Variants in NTRK2 observed in about 807,000 individuals in gnomAD.
NTRK2 encodes neurotrophic receptor tyrosine kinase 2, also known as BDNF/NT-3 growth factors receptor.
NTRK2 carries 13 observed loss-of-function variants against 94.5 expected under a neutral mutation model. The observed-to-expected ratio is 0.14, with a 90% CI of 0.09 to 0.22. The LOEUF is 0.22. NTRK2 is among the 10% of genes least tolerant of loss of function. The pLI is 1.00. For synonymous variants in NTRK2, 372 were observed against 407.4 expected, an observed-to-expected ratio of 0.91 and a Z score of 1.05; for missense variants, 639 against 1,071.2, an observed-to-expected ratio of 0.60 and a Z score of 5.63.
At chr9:84,915,562 G>C (rs2077371191) in intron 14 of NTRK2, among the ~76,000 whole-genome samples, 1 of 152,150 alleles carries the variant, frequency 6.6e-6, no homozygotes, top group Non-Finnish European at 1.5e-5. Flanking sequence ...TCCAGAAGCA[G>C]ATGCTGACAC....
intron 12 of NTRK2, among the ~76,000 whole-genome samples, chr9:84,834,611 G>A (rs1587585669): frequency 6.6e-6 from 1 of 152,144 alleles, no homozygotes; most frequent in Non-Finnish European, 1.5e-5. Flanking sequence ...TGTGTCTCAT[G>A]TTGAGCCAGT....
Position 85,025,574 on chromosome 9 carries a change from A to C in NTRK2, c.*4137A>C, listed in dbSNP as rs2409. 0.017 allele frequency: 3,869 copies of C among 233,250 alleles called. 56 individuals carry two copies. Among genetic ancestry groups the C allele is most frequent in the Middle Eastern group, 0.038 (30 of 784 alleles). The allele number at this position is 233,250 out of a possible 1,614,324, so 14.4% of individuals were successfully genotyped here. On this transcript the variant is annotated 3_prime_UTR_variant, in exon 19 of 19. Transcript: ENST00000277120. The stretch of plus-strand genomic sequence containing the variant: ...CTGGTCAAGTATGGACTTTCTTTGA[A>C]TCTTTCTTTTCACAAATTGGACTGC...
rs113722236 is a variant in NTRK2 at position 84,744,655 on chromosome 9, G to A, written c.1196-318G>A. ...ACACGTAGATGATCGATTCCCTGTC[G>A]TACTTGTTTTAAATATGCCATCCAT... On this transcript the variant is annotated intron_variant, in intron 10 of 18. Transcript: ENST00000277120. Among the ~76,000 whole-genome samples the A allele has an allele frequency of 0.019, 2,962 of 152,108 alleles. 56 individuals are homozygous for A. Among genetic ancestry groups the A allele is most frequent in the African/African-American group, 0.048 (1,986 of 41,496 alleles).
intron 12 of NTRK2, among the ~76,000 whole-genome samples, chr9:84,853,510 TA>T (rs1194379427): frequency 7.2e-5 from 11 of 152,338 alleles, no homozygotes; most frequent in African/African-American, 2.6e-4. Context: ...GCAAAATACA[TA>T]ATGGTTTTTA....
intron 10 of NTRK2, among the ~76,000 whole-genome samples, chr9:84,742,530 T>C (rs1421204720): frequency 1.3e-5 from 2 of 152,146 alleles, no homozygotes; most frequent in Non-Finnish European, 2.9e-5. Flanking sequence ...GAAGCGCTCC[T>C]GAAGGCGTCC....
Position 84,694,641 on chromosome 9 carries a change from G to A in NTRK2, c.213-7518G>A, listed in dbSNP as rs115562204. Among the ~76,000 whole-genome samples, 491 of 152,106 alleles carry A rather than the reference G, an allele frequency of 3.2e-3. 1 individual carries two copies. Among genetic ancestry groups the A allele is most frequent in the African/African-American group, 0.011 (464 of 41,474 alleles). ...GGCTAGCTGTGAACCCAGGGACCAAGGGAATTTTTTTTTTAGAAAAGGATT... is the reference window on the plus strand; with the variant it reads ...GGCTAGCTGTGAACCCAGGGACCAAAGGAATTTTTTTTTTAGAAAAGGATT... On this transcript the variant is annotated intron_variant, in intron 2 of 18. Coordinates refer to ENST00000277120, the MANE Select transcript of NTRK2 (RefSeq NM_006180.6).
intron 11 of NTRK2, among the ~76,000 whole-genome samples, chr9:84,750,253 T>C (rs1417962679): frequency 6.6e-6 from 1 of 151,872 alleles, no homozygotes; most frequent in Admixed American, 6.6e-5. Flanking sequence ...GTCCCCTGGA[T>C]GGCAATATTA....
intron 14 of NTRK2, among the ~76,000 whole-genome samples, chr9:84,916,501 C>A (rs1344897695): frequency 6.6e-6 from 1 of 152,164 alleles, no homozygotes; most frequent in Non-Finnish European, 1.5e-5. Flanking sequence ...GCAGGCACTA[C>A]CAATCAATAG....
In NTRK2 at chr9:84,707,846, A is replaced by G. The variant is rs1384751404; in HGVS notation, c.362A>G (p.Asn121Ser). Residue 121 changes from asparagine to serine, a missense_variant and splice_region_variant, in exon 5 of 19, where the codon AAT (asparagine) becomes AGT (serine). Asn to Ser is a conservative substitution (Grantham distance 46). Around this residue, in one of 5 missense-constraint regions of NTRK2, gnomAD observed 206 missense variants for 251.5 expected, o/e 0.82. Transcript: ENST00000277120. ...FLKNSNLQHINFTRNKLTSLS... is the reference protein window; with the variant it reads ...FLKNSNLQHISFTRNKLTSLS... Reference sequence around the variant, plus strand: ...TTAATGTTTTTGATTCCTTTCAGCAATTTTACCCGAAACAAACTGACGAGT... The same window carrying G: ...TTAATGTTTTTGATTCCTTTCAGCAGTTTTACCCGAAACAAACTGACGAGT... 6.2e-7 allele frequency: 1 copy of G among 1,612,252 alleles called. No homozygotes were observed. The highest frequency in any genetic ancestry group is 8.5e-7 in the Non-Finnish European group (1 of 1,178,684).
chr9:84,788,275 G>T (rs2068328975), intron 12 of NTRK2, among the ~76,000 whole-genome samples: 1 of 152,126 alleles, frequency 6.6e-6, no homozygotes, highest in East Asian at 1.9e-4. Context: ...AAAATAGGAG[G>T]AAAATGAAAA....
intron 2 of NTRK2, among the ~76,000 whole-genome samples, chr9:84,694,652 T>C (rs1018454587): frequency 6.6e-6 from 1 of 152,146 alleles, no homozygotes; most frequent in Non-Finnish European, 1.5e-5. Context: ...GGAATTTTTT[T>C]TTTAGAAAAG....
chr9:84,910,766 G>A (rs1264813894), intron 14 of NTRK2, among the ~76,000 whole-genome samples: 2 of 152,142 alleles, frequency 1.3e-5, no homozygotes, highest in Admixed American at 1.3e-4. Flanking sequence ...ATAGCACATA[G>A]TCTTAATTAT....
At chr9:84,956,607 A>G (rs1162346235) in intron 17 of NTRK2, among the ~76,000 whole-genome samples, 3 of 152,226 alleles carry the variant, frequency 2.0e-5, no homozygotes, top group Non-Finnish European at 2.9e-5. Context: ...GCTTAACAGC[A>G]TAAAGCACAG....
chr9:84,923,825 G>A (rs983797501), intron 14 of NTRK2, among the ~76,000 whole-genome samples: 5 of 152,184 alleles, frequency 3.3e-5, no homozygotes, highest in Non-Finnish European at 5.9e-5. Context: ...GGTTGAGCCC[G>A]GGAGGCGGAG....
In NTRK2 at chr9:85,026,270, C is replaced by G; in HGVS notation, c.*4833C>G. The G allele has an allele frequency of 4.3e-6, 1 of 231,398 alleles. No homozygotes were observed. Among genetic ancestry groups the G allele is most frequent in the Non-Finnish European group, 8.5e-6 (1 of 117,000 alleles). 14.3% of individuals were successfully genotyped at this position (231,398 alleles called of 1,614,324 possible). A position where few individuals can be genotyped will look rare whatever the true frequency, so the allele number is the denominator to read the frequency against. Reference sequence around the variant, plus strand: ...ACGAAATGAGAAAAGATGGGGATGTCATTTTTTAGTCTATGCGTTTGAGGC... The same window carrying G: ...ACGAAATGAGAAAAGATGGGGATGTGATTTTTTAGTCTATGCGTTTGAGGC... On this transcript the variant is annotated 3_prime_UTR_variant, in exon 19 of 19. Transcript: ENST00000277120.
At position 84,967,260 on chromosome 9, in the gene NTRK2, C is replaced by T. The variant is rs370433238; in HGVS notation, c.2172+11743C>T. 2.4e-4 allele frequency among the ~76,000 whole-genome samples: 37 copies of T among 152,294 alleles called. No homozygotes were observed. In the East Asian group the frequency reaches 2.5e-3, roughly 10 times the overall value. ...GACATGCCAACACAGAGCACACCAC[C>T]GCCCCTGCCCCGCAACCCCTCTCCA... On this transcript the variant is annotated intron_variant, in intron 17 of 18. Coordinates refer to ENST00000277120, the MANE Select transcript of NTRK2 (RefSeq NM_006180.6).
intron 15 of NTRK2, among the ~76,000 whole-genome samples, chr9:84,934,651 T>C (rs1306914366): frequency 6.6e-6 from 1 of 152,188 alleles, no homozygotes; most frequent in Non-Finnish European, 1.5e-5. Flanking sequence ...TAGGTGCTTG[T>C]TCCAAGCTCA....
Position 84,850,744 on chromosome 9 carries a change from A to G in NTRK2, c.1397-10296A>G, listed in dbSNP as rs1185439863. ...GCAAACTCTGTTTCTGTTCCTTTGTACTGCATTACCCCTCTGTTCTGAGGC... is the reference window on the plus strand; with the variant it reads ...GCAAACTCTGTTTCTGTTCCTTTGTGCTGCATTACCCCTCTGTTCTGAGGC... On this transcript the variant is annotated intron_variant, in intron 12 of 18. Transcript: ENST00000277120. Among the ~76,000 whole-genome samples the G allele has an allele frequency of 2.0e-5, 3 of 152,202 alleles. 1 individual carries two copies. The highest frequency in any genetic ancestry group is 7.2e-5 in the African/African-American group (3 of 41,450).
At chr9:84,990,071 G>C (rs1588130104) in intron 17 of NTRK2, among the ~76,000 whole-genome samples, 2 of 152,284 alleles carry the variant, frequency 1.3e-5, no homozygotes, top group East Asian at 1.9e-4. Context: ...GCACTGCCAG[G>C]CTGGTCCTGA....
Sources: gnomAD v4.1 joint callset for allele counts (sites outside exome capture counted in the v4.1 genomes callset) on GRCh38, gnomAD v4.1.1 for gene constraint, gnomAD v4.1.1 regional missense constraint, MANE v1.5 for transcripts, NCBI Gene and HGNC (gene_info 2026-07-23, HGNC 2026-07-21) for gene names.